SLC25A44: variants seen among roughly 807,000 people sequenced by gnomAD.
SLC25A44 encodes solute carrier family 25, member 44.
A neutral mutation model predicts 29.9 loss-of-function variants in SLC25A44; 17 were observed. The ratio of observed to expected loss-of-function variants is 0.57; its 90% CI spans 0.39 to 0.85. SLC25A44 has a LOEUF of 0.85. Ranked by LOEUF, SLC25A44 falls within the 40% of genes least tolerant of loss-of-function variation. The pLI, the probability that SLC25A44 is intolerant of heterozygous loss-of-function variation, is 0.00. For missense variants in SLC25A44, 302 were observed against 398.4 expected, an observed-to-expected ratio of 0.76 and a Z score of 2.06; for synonymous variants, 140 against 151.8, an observed-to-expected ratio of 0.92 and a Z score of 0.57.
intron 1 of SLC25A44, among the ~76,000 whole-genome samples, chr1:156,194,769 A>G (rs565811213): frequency 4.6e-5 from 7 of 152,366 alleles, no homozygotes; most frequent in African/African-American, 1.7e-4. Flanking sequence ...TAGGGAGAAC[A>G]GAAGGAATGG....
chr1:156,210,121 G>T, intron 3 of SLC25A44, 119 bp from the exon 4 acceptor site: 1 of 682,168 alleles, frequency 1.5e-6, no homozygotes, highest in Non-Finnish European at 2.5e-6. Context: ...CTCACAAGCA[G>T]AATCCACACC....
chr1:156,210,367 T>C lies in SLC25A44; in HGVS notation c.881T>C (p.Val294Ala). ...ACACCTTCCACCATTGTCATTGTGG[T>C]GGGCTATGAGAGCCTCAAGAAACTC... ...SATPSTIVIV[V>A]GYESLKKLSL... The change falls in exon 4 of 4, where the codon GTG becomes GCG. Residue 294 changes from valine (V) to alanine (A), a missense_variant. By Grantham distance (64) the Val-to-Ala change is moderately conservative (BLOSUM62 0). Transcript: ENST00000359511. The C allele has an allele frequency of 1.2e-6, 2 of 1,608,346 alleles. No homozygotes were observed.
At chr1:156,200,622 G>C in intron 2 of SLC25A44, 150 bp downstream of exon 2, 1 of 785,188 alleles carries the variant, frequency 1.3e-6, no homozygotes, top group Non-Finnish European at 2.0e-6. Flanking sequence ...AGGATTTAAA[G>C]ATGCATAAAA....
intron 2 of SLC25A44, among the ~76,000 whole-genome samples, chr1:156,203,925 T>C (rs1656752632): frequency 1.3e-5 from 2 of 151,578 alleles, no homozygotes; most frequent in Non-Finnish European, 2.9e-5. Context: ...AAGATGGTCT[T>C]GATCTCCTGA....
chr1:156,202,025 C>T (rs924372752), intron 2 of SLC25A44, among the ~76,000 whole-genome samples: 3 of 152,230 alleles, frequency 2.0e-5, no homozygotes, highest in African/African-American at 7.2e-5. Flanking sequence ...ATTAACTAGT[C>T]TTCATCCCAA....
intron 2 of SLC25A44, among the ~76,000 whole-genome samples, chr1:156,206,095 T>C (rs1656909365): frequency 6.6e-6 from 1 of 152,184 alleles, no homozygotes; most frequent in Non-Finnish European, 1.5e-5. Context: ...TATTTTAATA[T>C]TGTTTTTATT....
intron 2 of SLC25A44, among the ~76,000 whole-genome samples, chr1:156,206,309 G>A (rs1278526994): frequency 1.3e-5 from 2 of 149,994 alleles, no homozygotes; most frequent in African/African-American, 4.9e-5. Flanking sequence ...CGAGATCTCA[G>A]CTCATGCAGC....
intron 2 of SLC25A44, among the ~76,000 whole-genome samples, chr1:156,207,528 T>C (rs1657032264): frequency 6.6e-6 from 1 of 151,996 alleles, no homozygotes; most frequent in Non-Finnish European, 1.5e-5. Flanking sequence ...CACAAGCCTA[T>C]AGACCCAACT....
Position 156,210,540 on chromosome 1 carries a change from C to A in SLC25A44, c.*109C>A. ...GCTCCCACCACACACCCAGCCCTGCCCTGGGCCAAGTGGCCTATCTGGGAT... is the reference window on the plus strand; with the variant it reads ...GCTCCCACCACACACCCAGCCCTGCACTGGGCCAAGTGGCCTATCTGGGAT... On this transcript the variant is annotated 3_prime_UTR_variant, in exon 4 of 4. Coordinates refer to ENST00000359511, the MANE Select transcript of SLC25A44 (RefSeq NM_014655.4). 1 of 770,994 alleles carries A rather than the reference C, an allele frequency of 1.3e-6. No homozygotes were observed. The highest frequency in any genetic ancestry group is 2.0e-6 in the Non-Finnish European group (1 of 507,460). The allele number at this position is 770,994 out of a possible 1,614,324, so 47.8% of individuals were successfully genotyped here.
chr1:156,204,739 C>T (rs938187753), intron 2 of SLC25A44, among the ~76,000 whole-genome samples: 2 of 152,064 alleles, frequency 1.3e-5, no homozygotes, highest in Non-Finnish European at 2.9e-5. Flanking sequence ...CCACCTGCCT[C>T]AGCCTTCGAA....
chr1:156,200,906 G>C (rs1656535208), intron 2 of SLC25A44, among the ~76,000 whole-genome samples: 1 of 147,564 alleles, frequency 6.8e-6, no homozygotes, highest in Admixed American at 7.0e-5. Flanking sequence ...TGAGATCTTG[G>C]CTCACTGCAA....
chr1:156,195,434 C>T (rs1460586134), intron 1 of SLC25A44, among the ~76,000 whole-genome samples: 1 of 152,202 alleles, frequency 6.6e-6, no homozygotes, highest in Non-Finnish European at 1.5e-5. Flanking sequence ...TCCTGGGAGG[C>T]TCAAAGGCTC....
intron 2 of SLC25A44, among the ~76,000 whole-genome samples, chr1:156,205,192 C>T (rs1336386115): frequency 2.0e-5 from 3 of 152,046 alleles, no homozygotes; most frequent in African/African-American, 4.8e-5. Context: ...TATAGGCATG[C>T]GCCATCACAC....
Position 156,199,887 on chromosome 1 carries a change from C to T in SLC25A44, c.40C>T (p.His14Tyr), listed in dbSNP as rs1656444206. The T allele has an allele frequency of 6.2e-7, 1 of 1,613,980 alleles. No homozygotes were observed. The highest frequency in any genetic ancestry group is 8.5e-7 in the Non-Finnish European group (1 of 1,179,964). Residue 14 changes from histidine (H) to tyrosine (Y), a missense_variant, in exon 2 of 4, where the codon CAC becomes TAC. His to Tyr is a moderately conservative substitution (Grantham distance 83, BLOSUM62 2). Transcript: ENST00000359511. ...KRNIQIIEWE[H>Y]LDKKKFYVFG... The stretch of plus-strand genomic sequence containing the variant: ...CAACATCCAGATCATCGAGTGGGAA[C>T]ACCTGGACAAGAAGAAGTTCTACGT...
intron 1 of SLC25A44, chr1:156,197,356 C>G (rs1034763614): frequency 6.6e-6 from 1 of 152,236 alleles, no homozygotes; most frequent in African/African-American, 2.4e-5. Flanking sequence ...AGCTCATTTT[C>G]CACAGCCTAG....
In SLC25A44 at chr1:156,212,073, CTT is replaced by C. The variant is rs1558184941; in HGVS notation, c.*1644_*1645del. On this transcript the variant is annotated 3_prime_UTR_variant, in exon 4 of 4. Coordinates refer to ENST00000359511, the MANE Select transcript of SLC25A44 (RefSeq NM_014655.4). ...TTATTTTTGTTTATCCCTTCCTGCA[CTT>C]TGTCAAGAGAGTCCTCCAGTTTCTA... is the stretch of plus-strand genomic sequence containing the variant. 1.3e-5 allele frequency: 2 copies of C among 152,820 alleles called. No homozygotes were observed. The highest frequency in any genetic ancestry group is 2.9e-5 in the Non-Finnish European group (2 of 68,054). The allele number at this position is 152,820 out of a possible 1,614,324, so 9.5% of individuals were successfully genotyped here.
In SLC25A44 at chr1:156,210,333, A is replaced by C; in HGVS notation, c.847A>C (p.Ile283Leu). ...CATGAAGGGCCTCTCGGCCAGAATCATCTCAGCCACACCTTCCACCATTGT... is the reference window on the plus strand; with the variant it reads ...CATGAAGGGCCTCTCGGCCAGAATCCTCTCAGCCACACCTTCCACCATTGT... ...GLMKGLSARI[I>L]SATPSTIVIV... The change falls in exon 4 of 4, where the codon ATC (isoleucine) becomes CTC (leucine). Residue 283 changes from isoleucine to leucine, a missense_variant. Coordinates refer to ENST00000359511, the MANE Select transcript of SLC25A44 (RefSeq NM_014655.4). The C allele has an allele frequency of 3.7e-6, 6 of 1,608,626 alleles. No homozygotes were observed. Among genetic ancestry groups the C allele is most frequent in the Non-Finnish European group, 5.1e-6 (6 of 1,177,678 alleles).
At chr1:156,196,427 A>G (rs1233700141) in intron 1 of SLC25A44, 2 of 152,218 alleles carry the variant, frequency 1.3e-5, no homozygotes, top group East Asian at 3.8e-4. Flanking sequence ...GGGAGTTTAA[A>G]ATAGATTGGC....
chr1:156,207,600 T>C (rs1274626567), intron 2 of SLC25A44, among the ~76,000 whole-genome samples: 1 of 151,958 alleles, frequency 6.6e-6, no homozygotes, highest in Non-Finnish European at 1.5e-5. Flanking sequence ...CAGTGAGCCA[T>C]GATCATGCCA....
Sources: gnomAD v4.1 joint callset for allele counts (sites outside exome capture counted in the v4.1 genomes callset) on GRCh38, gnomAD v4.1.1 for gene constraint, MANE v1.5 for transcripts, NCBI Gene and HGNC (gene_info 2026-07-23, HGNC 2026-07-21) for gene names.